The following UNK variants were observed in gnomAD, a reference collection of about 807,000 sequenced individuals.
UNK encodes the protein unk zinc finger.
UNK carries 32 observed loss-of-function variants against 97.6 expected under a neutral mutation model. The observed-to-expected ratio is 0.33, with a 90% CI of 0.25 to 0.44. UNK has a LOEUF of 0.44. Among genes scored for constraint, UNK ranks in the 20% least tolerant of loss-of-function variants. UNK has a pLI of 1.00. For synonymous variants in UNK, 441 were observed against 461.2 expected, an observed-to-expected ratio of 0.96 and a Z score of 0.56; for missense variants, 771 against 1,098.4, an observed-to-expected ratio of 0.70 and a Z score of 4.21.
chr17:75,805,902 T>G (rs1227779202), intron 1 of UNK, among the ~76,000 whole-genome samples: 1 of 151,890 alleles, frequency 6.6e-6, no homozygotes, highest in Non-Finnish European at 1.5e-5. Context: ...TTGTAATCCA[T>G]TTTGATGAAA....
Position 75,818,306 on chromosome 17 carries a change from TC to T in UNK, c.1371+140del. The T allele has an allele frequency of 1.0e-6, 1 of 983,796 alleles. No homozygotes were observed. 60.9% of individuals were successfully genotyped at this position (983,796 alleles called of 1,614,324 possible). ...ACTAAAGTGGGGTCCCAGCCACAAA[TC>T]CAGAGAGGGTAGGGGGTCAGGCCCT... On this transcript the variant is annotated intron_variant, in intron 10 of 15. Transcript: ENST00000589666. The surrounding 1 kb of genome is among the most constrained non-coding windows in gnomAD (Gnocchi z 5.1).
chr17:75,800,609 C>T (rs931391783), intron 1 of UNK, among the ~76,000 whole-genome samples: 18 of 150,880 alleles, frequency 1.2e-4, no homozygotes, highest in Non-Finnish European at 2.4e-4. Flanking sequence ...TGGTGGCGGG[C>T]GCCTGTAATC....
chr17:75,787,377 G>C (rs2061722147), intron 1 of UNK, among the ~76,000 whole-genome samples: 1 of 151,372 alleles, frequency 6.6e-6, no homozygotes, highest in Non-Finnish European at 1.5e-5. Flanking sequence ...ACATTTTTTT[G>C]GTATTTTTTG....
In UNK at chr17:75,823,441, C is replaced by G; in HGVS notation, c.2196C>G (p.Phe732Leu). ...CTGAGCCCCAGGCCCTGCCCGCCTT[C>G]TCCGACCTGGAGGCGCTCTCACTCT... ...AGPEPQALPAFSDLEALSLST... is the reference protein window; with the variant it reads ...AGPEPQALPALSDLEALSLST... Residue 732 changes from phenylalanine (F) to leucine (L), a missense_variant, in exon 15 of 16, where the codon TTC (phenylalanine) becomes TTG (leucine). Coordinates refer to ENST00000589666, the MANE Select transcript of UNK (RefSeq NM_001080419.3). 2 of 1,589,538 alleles carry G rather than the reference C, an allele frequency of 1.3e-6. No homozygotes were observed. The highest frequency in any genetic ancestry group is 1.7e-6 in the Non-Finnish European group (2 of 1,166,332).
chr17:75,812,466 C>G lies in UNK; in HGVS notation c.503C>G (p.Ala168Gly), dbSNP rs1458850755. The change falls in exon 4 of 16, where the codon GCC becomes GGC. Residue 168 changes from alanine to glycine, a missense_variant. By Grantham distance (60) the Ala-to-Gly change is moderately conservative. Around this residue, in one of 5 missense-constraint regions of UNK, gnomAD observed 246 missense variants for 440.7 expected, o/e 0.56. Transcript: ENST00000589666. ...TCCTCTCCTCCCAGGGAGCTTCAGG[C>G]CATGGAGGCCTTGCAGAATGGCCAG... ...SPVYDIRELQ[A>G]MEALQNGQTT... is the part of the protein sequence containing the mutation. 1 of 1,611,310 alleles carries G rather than the reference C, an allele frequency of 6.2e-7. No individual in the cohort carries two copies. The highest frequency in any genetic ancestry group is 8.5e-7 in the Non-Finnish European group (1 of 1,179,404).
intron 1 of UNK, among the ~76,000 whole-genome samples, chr17:75,808,440 C>T (rs990660833): frequency 6.6e-6 from 1 of 152,182 alleles, no homozygotes; most frequent in Non-Finnish European, 1.5e-5. Context: ...TTTCTCTTTT[C>T]CAGTTCCCTT....
chr17:75,819,528 A>G lies in UNK; in HGVS notation c.1547-156A>G. ...ACGGTGTCAGAAGTCAGGAGTCAGGATTGGCATAGGAAGCAGCTGAAGGAA... is the reference window on the plus strand; with the variant it reads ...ACGGTGTCAGAAGTCAGGAGTCAGGGTTGGCATAGGAAGCAGCTGAAGGAA... On this transcript the variant is annotated intron_variant, in intron 11 of 15. Transcript: ENST00000589666. This position sits in a 1 kb window ranked among gnomAD's most constrained non-coding sequence, Gnocchi z 5.4. The G allele has an allele frequency of 1.5e-6, 1 of 657,392 alleles. No homozygotes were observed. Among genetic ancestry groups the G allele is most frequent in the East Asian group, 2.7e-5 (1 of 36,406 alleles). 40.7% of individuals were successfully genotyped at this position (657,392 alleles called of 1,614,324 possible). A position where few individuals can be genotyped will look rare whatever the true frequency, so the allele number is the denominator to read the frequency against.
At position 75,813,751 on chromosome 17, in the gene UNK, T is replaced by C. The variant is rs1301849484; in HGVS notation, c.759-10T>C. 2.6e-6 allele frequency: 4 copies of C among 1,568,584 alleles called. No homozygotes were observed. Among genetic ancestry groups the C allele is most frequent in the Non-Finnish European group, 2.6e-6 (3 of 1,155,956 alleles). On this transcript the variant is annotated splice_polypyrimidine_tract_variant and intron_variant, in intron 5 of 15. Coordinates refer to ENST00000589666, the MANE Select transcript of UNK (RefSeq NM_001080419.3). ...CTTTCTCCATCTGACCCCACCCTCT[T>C]GTTGGCCAGGTCGTCTCCATGTCCA... is the stretch of plus-strand genomic sequence containing the variant.
chr17:75,785,247 C>T (rs1418561363), intron 1 of UNK: 3 of 449,780 alleles, frequency 6.7e-6, no homozygotes, highest in Admixed American at 4.4e-5. Flanking sequence ...GTGCACTCTC[C>T]CTAGGCCAGG....
intron 1 of UNK, among the ~76,000 whole-genome samples, chr17:75,793,008 T>C (rs1390608311): frequency 6.6e-6 from 1 of 152,240 alleles, no homozygotes; most frequent in African/African-American, 2.4e-5. Context: ...AGGCCCTGTG[T>C]ATCTATTCTA....
In UNK at chr17:75,812,499, T is replaced by C; in HGVS notation, c.536T>C (p.Val179Ala). Reference protein sequence around the residue: ...MEALQNGQTTVEGSIEGQSAG... With the variant: ...MEALQNGQTTAEGSIEGQSAG... ...GCCTTGCAGAATGGCCAGACCACGGTAGAGGGGAGCATAGAGGGCCAGTCG... is the reference window on the plus strand; with the variant it reads ...GCCTTGCAGAATGGCCAGACCACGGCAGAGGGGAGCATAGAGGGCCAGTCG... Residue 179 changes from valine to alanine, a missense_variant, in exon 4 of 16, where the codon GTA becomes GCA. Transcript: ENST00000589666. 1 of 1,612,380 alleles carries C rather than the reference T, an allele frequency of 6.2e-7. No individual in the cohort carries two copies. Among genetic ancestry groups the C allele is most frequent in the Non-Finnish European group, 8.5e-7 (1 of 1,179,708 alleles).
intron 1 of UNK, among the ~76,000 whole-genome samples, chr17:75,789,020 T>C (rs1451684088): frequency 6.6e-6 from 1 of 152,256 alleles, no homozygotes; most frequent in Non-Finnish European, 1.5e-5. Flanking sequence ...TTCATTCTTG[T>C]GCTGAAATTA....
chr17:75,805,852 T>G (rs895556377), intron 1 of UNK, among the ~76,000 whole-genome samples: 1 of 125,786 alleles, frequency 8.0e-6, no homozygotes, highest in African/African-American at 3.3e-5. Context: ...GTGTATAATA[T>G]ATATGTATGT....
chr17:75,811,827 A>C (rs1418192414), intron 2 of UNK, among the ~76,000 whole-genome samples: 2 of 152,162 alleles, frequency 1.3e-5, no homozygotes, highest in Non-Finnish European at 2.9e-5. Context: ...TCTCTACTAA[A>C]AATACAAAAA....
At chr17:75,795,941 C>T (rs542316956) in intron 1 of UNK, among the ~76,000 whole-genome samples, 1 of 152,294 alleles carries the variant, frequency 6.6e-6, no homozygotes, top group African/African-American at 2.4e-5. Context: ...AAATAATTGC[C>T]AGTGATTGGC....
intron 6 of UNK, 29 bp downstream of exon 6, chr17:75,813,907 G>A (rs765491161): frequency 6.5e-7 from 1 of 1,534,684 alleles, no homozygotes; most frequent in South Asian, 1.2e-5. Context: ...TGGGGGGGTG[G>A]CTTTGGGAAG....
rs1019584859 is a variant in UNK at position 75,824,999 on chromosome 17, C to T, written c.*582C>T. 40 of 152,326 alleles carry T rather than the reference C, an allele frequency of 2.6e-4. No homozygotes were observed. Among genetic ancestry groups the T allele is most frequent in the African/African-American group, 9.4e-4 (39 of 41,564 alleles). The allele number at this position is 152,326 out of a possible 1,614,324, so 9.4% of individuals were successfully genotyped here. On this transcript the variant is annotated 3_prime_UTR_variant, in exon 16 of 16. Coordinates refer to ENST00000589666, the MANE Select transcript of UNK (RefSeq NM_001080419.3). This position sits in a 1 kb window ranked among gnomAD's most constrained non-coding sequence, Gnocchi z 4.9. ...CCAGCTGTGAGGGCCTCAGGGAGGCCCGAGGGGGAGTGCTGGGGGTCTCAG... is the reference window on the plus strand; with the variant it reads ...CCAGCTGTGAGGGCCTCAGGGAGGCTCGAGGGGGAGTGCTGGGGGTCTCAG...
chr17:75,824,043 C>T lies in UNK; in HGVS notation c.2278-219C>T, dbSNP rs1275938381. Among the ~76,000 whole-genome samples, 1 of 151,572 alleles carries T rather than the reference C, an allele frequency of 6.6e-6. No individual in the cohort carries two copies. The highest frequency in any genetic ancestry group is 1.5e-5 in the Non-Finnish European group (1 of 68,002). On this transcript the variant is annotated intron_variant, in intron 15 of 15. Coordinates refer to ENST00000589666, the MANE Select transcript of UNK (RefSeq NM_001080419.3). The surrounding 1 kb of genome is among the most constrained non-coding windows in gnomAD (Gnocchi z 4.9). ...CAAGGTCAAATGAGACTGGGCGAAG[C>T]CTCTCTGAGGGGTGGGTCTTGTGGC...
At chr17:75,811,594 T>TAGGCTGC (rs1196315832) in intron 2 of UNK, among the ~76,000 whole-genome samples, 1 of 152,232 alleles carries the variant, frequency 6.6e-6, no homozygotes, top group Non-Finnish European at 1.5e-5. Flanking sequence ...GGGCCCCATT[T>TAGGCTGC]AGGCTGCAGG....
Sources: allele counts gnomAD v4.1 joint callset (sites outside exome capture counted in the v4.1 genomes callset), GRCh38; gene constraint gnomAD v4.1.1; regional missense constraint gnomAD v4.1.1; non-coding constraint Gnocchi (gnomAD v3.1); transcripts MANE v1.5; gene names NCBI Gene and HGNC (gene_info 2026-07-23, HGNC 2026-07-21).